PIK3C2G: variants seen among roughly 807,000 people sequenced by gnomAD.
PIK3C2G encodes the protein phosphatidylinositol 3-kinase C2 domain-containing subunit gamma.
In PIK3C2G, 168 loss-of-function variants were observed where a neutral mutation model predicts 181.1. The observed-to-expected ratio is 0.93, with a 90% confidence interval of 0.82 to 1.05. The LOEUF is 1.05. Ranked by LOEUF, PIK3C2G falls within the 50% of genes least tolerant of loss-of-function variation. The pLI is 0.00. For missense variants in PIK3C2G, 1,869 were observed against 1,732.8 expected (o/e 1.08, Z -1.40); for synonymous variants, 573 against 592.2 (o/e 0.97, Z 0.47).
chr12:18,644,096 A>C (rs1949989986), intron 32 of PIK3C2G, among the ~76,000 whole-genome samples: 1 of 152,092 alleles, frequency 6.6e-6, no homozygotes, highest in South Asian at 2.1e-4. Context: ...CAGAGTCTCC[A>C]CCCTTCCCAT....
intron 7 of PIK3C2G, among the ~76,000 whole-genome samples, 160 bp from the exon 8 acceptor site, chr12:18,324,875 C>G (rs537562060): frequency 6.6e-6 from 1 of 152,104 alleles, no homozygotes; most frequent in Non-Finnish European, 1.5e-5. Context: ...TATAAGGCAC[C>G]CTTCTGAGAT....
intron 1 of PIK3C2G, among the ~76,000 whole-genome samples, chr12:18,267,768 G>A (rs11043989): frequency 0.06 from 9,116 of 152,250 alleles, 402 homozygotes; most frequent in Non-Finnish European, 0.093. Context: ...TACGTATCTA[G>A]GTAATTCTAG....
At chr12:18,413,425 A>G (rs897108400) in intron 16 of PIK3C2G, among the ~76,000 whole-genome samples, 7 of 152,280 alleles carry the variant, frequency 4.6e-5, no homozygotes, top group Middle Eastern at 3.4e-3. Flanking sequence ...TGTCAAGCCT[A>G]ATTTTAAGAA....
chr12:18,357,141 CATTTT>C (rs1940817856), intron 11 of PIK3C2G, among the ~76,000 whole-genome samples: 1 of 152,056 alleles, frequency 6.6e-6, no homozygotes, highest in Admixed American at 6.6e-5. Context: ...ATGTTAAGAA[CATTTT>C]ATTTTAAAAG....
At chr12:18,570,977 GCTTAA>G (rs1945906024) in intron 29 of PIK3C2G, among the ~76,000 whole-genome samples, 1 of 150,752 alleles carries the variant, frequency 6.6e-6, no homozygotes, top group Non-Finnish European at 1.5e-5. Context: ...ACAGATGGCT[GCTTAA>G]CTTTACTTTC....
At chr12:18,633,301 A>G (rs2417714) in intron 31 of PIK3C2G, among the ~76,000 whole-genome samples, 53,402 of 152,132 alleles carry the variant, frequency 0.35, 9,713 homozygotes, top group East Asian at 0.61. Context: ...AGAATAAAAG[A>G]GGAAAGAAAA....
chr12:18,447,708 G>A (rs532305348), intron 18 of PIK3C2G, among the ~76,000 whole-genome samples: 1 of 152,032 alleles, frequency 6.6e-6, no homozygotes, highest in Non-Finnish European at 1.5e-5. Flanking sequence ...CTTTTATCGT[G>A]TACTTTTAAA....
chr12:18,505,246 T>C (rs1177379283), intron 23 of PIK3C2G, 46 bp from the exon 24 acceptor site: 5 of 1,488,410 alleles, frequency 3.4e-6, no homozygotes, highest in Non-Finnish European at 4.6e-6. Flanking sequence ...ATGCATTTGC[T>C]CATTTTTTGT....
rs568503115 is a variant in PIK3C2G at position 18,645,029 on chromosome 12, G to A, written c.4309-2847G>A. ...TTACCTTAAGTGTTTTCTATTAGAC[G>A]TAATAATTCCAAACCCACACATTTA... On this transcript the variant is annotated intron_variant, in intron 32 of 32. Transcript: ENST00000538779. 1.1e-4 allele frequency among the ~76,000 whole-genome samples: 17 copies of A among 152,182 alleles called. No homozygotes were observed. In the South Asian group the frequency reaches 1.2e-3, roughly 11 times the overall value.
At chr12:18,553,042 A>G (rs1397131187) in intron 26 of PIK3C2G, among the ~76,000 whole-genome samples, 2 of 152,092 alleles carry the variant, frequency 1.3e-5, no homozygotes, top group African/African-American at 4.8e-5. Flanking sequence ...CTGTTTCCCA[A>G]CAGCTGTTTT....
At chr12:18,645,637 TCAG>T (rs1159722791) in intron 32 of PIK3C2G, among the ~76,000 whole-genome samples, 4 of 152,172 alleles carry the variant, frequency 2.6e-5, no homozygotes, top group African/African-American at 9.7e-5. Context: ...TGGATCTTTT[TCAG>T]CTATAATTTA....
chr12:18,535,239 A>G (rs966474132), intron 24 of PIK3C2G, among the ~76,000 whole-genome samples: 4 of 152,074 alleles, frequency 2.6e-5, no homozygotes, highest in African/African-American at 4.8e-5. Flanking sequence ...TTTCATTTAT[A>G]GACAAGTTTA....
At chr12:18,256,708 C>G (rs1948149376), upstream of PIK3C2G, among the ~76,000 whole-genome samples, 2 of 152,096 alleles carry the variant, frequency 1.3e-5, no homozygotes, top group Non-Finnish European at 2.9e-5. Context: ...TTGCAAATGA[C>G]AGTTTTATGA....
At chr12:18,247,648 C>T (rs1455639100) in exon 1 of PIK3C2G, 2 of 152,124 alleles carry the variant, frequency 1.3e-5, no homozygotes, top group Non-Finnish European at 2.9e-5. Flanking sequence ...GTCACTCCAC[C>T]CTAATCTTAC....
chr12:18,426,610 G>A (rs918888307), intron 18 of PIK3C2G, among the ~76,000 whole-genome samples: 3 of 152,112 alleles, frequency 2.0e-5, no homozygotes, highest in African/African-American at 4.8e-5. Flanking sequence ...TTACTCTCCT[G>A]AATGTATGAC....
chr12:18,636,508 G>C lies in PIK3C2G; in HGVS notation c.4183-3921G>C, dbSNP rs551091423. On this transcript the variant is annotated intron_variant, in intron 31 of 32. Transcript: ENST00000538779. ...GGCCTCCCAAAGTGCTGGGATTACA[G>C]GTGTGAGCCACTGCACCCCTGGTGG... is the stretch of plus-strand genomic sequence containing the variant. Among the ~76,000 whole-genome samples, 10 of 152,246 alleles carry C rather than the reference G, an allele frequency of 6.6e-5. No individual in the cohort carries two copies. In the South Asian group the frequency reaches 1.7e-3, roughly 25 times the overall value.
At chr12:18,661,035 T>C in the PIK3C2G span, among the ~76,000 whole-genome samples, 5 of 151,962 alleles carry the variant, frequency 3.3e-5, no homozygotes, top group Admixed American at 3.3e-4. Flanking sequence ...ACTAGAAGAA[T>C]TGAAGGGTAT....
At chr12:18,512,266 C>A (rs1012165122) in intron 24 of PIK3C2G, among the ~76,000 whole-genome samples, 8 of 151,604 alleles carry the variant, frequency 5.3e-5, no homozygotes, top group African/African-American at 1.7e-4. Flanking sequence ...TAGCTTTGTT[C>A]TTTTTGCTCA....
At chr12:18,691,852 A>G in the PIK3C2G span, among the ~76,000 whole-genome samples, 2 of 152,170 alleles carry the variant, frequency 1.3e-5, no homozygotes, top group Non-Finnish European at 2.9e-5. Context: ...AGCCAGCTAC[A>G]TACTTCACAG....
Sources: gnomAD v4.1 joint callset for allele counts (sites outside exome capture counted in the v4.1 genomes callset) on GRCh38, gnomAD v4.1.1 for gene constraint, MANE v1.5 for transcripts, NCBI Gene and HGNC (gene_info 2026-07-23, HGNC 2026-07-21) for gene names.